MAFK: variants seen among roughly 807,000 people sequenced by gnomAD.
The protein encoded by MAFK is transcription factor MafK.
A neutral mutation model predicts 9.2 loss-of-function variants in MAFK; 1 was observed. The observed-to-expected ratio is 0.11, with a 90% confidence interval of 0.04 to 0.52. The LOEUF is 0.52. MAFK is among the 20% of genes least tolerant of loss of function. The probability of loss-of-function intolerance (pLI) is 0.94; values close to 1 mark genes in which losing one functional copy is unlikely to be tolerated. For synonymous variants in MAFK, 110 were observed against 107.4 expected (o/e 1.02, Z -0.15); for missense variants, 207 against 236.0 (o/e 0.88, Z 0.81).
chr7:1,540,799 G>T lies in MAFK; in HGVS notation c.*424G>T. 6.0e-6 allele frequency: 1 copy of T among 167,710 alleles called. No individual in the cohort carries two copies. Among genetic ancestry groups the T allele is most frequent in the Admixed American group, 6.3e-5 (1 of 15,896 alleles). The allele number at this position is 167,710 out of a possible 1,614,324, so 10.4% of individuals were successfully genotyped here. A position where few individuals can be genotyped will look rare whatever the true frequency, so the allele number is the denominator to read the frequency against. ...TCCACTCCTGCTGTAAGCAGCCTTCGACACCTGTCCTGCCACGGCCTCCCA... is the reference window on the plus strand; with the variant it reads ...TCCACTCCTGCTGTAAGCAGCCTTCTACACCTGTCCTGCCACGGCCTCCCA... On this transcript the variant is annotated 3_prime_UTR_variant, in exon 3 of 3. Coordinates refer to ENST00000343242, the MANE Select transcript of MAFK (RefSeq NM_002360.4).
At chr7:1,538,466 C>A in intron 1 of MAFK, 1 of 952,238 alleles carries the variant, frequency 1.1e-6, no homozygotes, top group Non-Finnish European at 1.3e-6. Flanking sequence ...TGGTAGGTGT[C>A]CCGTGGCCTG....
rs983930108 is a variant in MAFK, at chr7:1,534,809, A to C, written c.-45+3911A>C. 3.1e-5 allele frequency: 11 copies of C among 356,958 alleles called. No homozygotes were observed. The highest frequency in any genetic ancestry group is 2.3e-4 in the African/African-American group (11 of 47,044). The allele number at this position is 356,958 out of a possible 1,614,324, so 22.1% of individuals were successfully genotyped here. ...TCATCTGGGAAGAATCAGAGCCCCA[A>C]AGCTGAAATCCCCGTTTCTCTATGG... is the stretch of plus-strand genomic sequence containing the variant. On this transcript the variant is annotated intron_variant, in intron 1 of 2. Coordinates refer to ENST00000343242, the MANE Select transcript of MAFK (RefSeq NM_002360.4). The surrounding 1 kb of genome is among the most constrained non-coding windows in gnomAD (Gnocchi z 4.3).
rs1468339665 is a variant in MAFK, at chr7:1,540,753, G to C, written c.*378G>C. On this transcript the variant is annotated 3_prime_UTR_variant, in exon 3 of 3. Transcript: ENST00000343242. ...CCCAGGAGTCAGGCCCCTGTGGTCAGGTCTAGCATGGGGCTTGTTTTCCAC... is the reference window on the plus strand; with the variant it reads ...CCCAGGAGTCAGGCCCCTGTGGTCACGTCTAGCATGGGGCTTGTTTTCCAC... 1 of 222,658 alleles carries C rather than the reference G, an allele frequency of 4.5e-6. No individual in the cohort carries two copies. The highest frequency in any genetic ancestry group is 8.8e-6 in the Non-Finnish European group (1 of 113,846). 13.8% of individuals were successfully genotyped at this position (222,658 alleles called of 1,614,324 possible). A position where few individuals can be genotyped will look rare whatever the true frequency, so the allele number is the denominator to read the frequency against.
intron 2 of MAFK, 146 bp downstream of exon 2, chr7:1,539,374 G>C (rs1043747288): frequency 1.8e-5 from 12 of 664,122 alleles, no homozygotes; most frequent in Non-Finnish European, 3.1e-5. Context: ...TGTGGCCGAG[G>C]GATGTTCACA....
intron 1 of MAFK, among the ~76,000 whole-genome samples, chr7:1,535,229 A>G (rs1784000486): frequency 2.0e-5 from 3 of 152,004 alleles, no homozygotes; most frequent in African/African-American, 7.2e-5. Context: ...GGTGGAGAAA[A>G]TGTTCCCTCC....
At chr7:1,538,061 C>G (rs1047693260) in intron 1 of MAFK, 1 of 169,230 alleles carries the variant, frequency 5.9e-6, no homozygotes, top group African/African-American at 2.4e-5. Context: ...GACTGCCTGC[C>G]GGCCTCGTGA....
chr7:1,538,468 C>G (rs573879167), intron 1 of MAFK: 2 of 161,006 alleles, frequency 1.2e-5, no homozygotes, highest in Non-Finnish European at 2.3e-5. Flanking sequence ...GTAGGTGTCC[C>G]GTGGCCTGTG....
chr7:1,536,324 G>A (rs1043290521), intron 1 of MAFK, among the ~76,000 whole-genome samples: 4 of 152,194 alleles, frequency 2.6e-5, no homozygotes, highest in African/African-American at 9.7e-5. Context: ...TTAGCTGCTG[G>A]GCGTAAGACA....
Position 1,534,618 on chromosome 7 carries a change from A to G in MAFK, c.-45+3720A>G, listed in dbSNP as rs1443380441. 1.3e-5 allele frequency: 6 copies of G among 455,834 alleles called. No homozygotes were observed. The highest frequency in any genetic ancestry group is 3.1e-5 in the South Asian group (2 of 64,556). The allele number at this position is 455,834 out of a possible 1,614,324, so 28.2% of individuals were successfully genotyped here. ...ATCCCACATCCTCGGAGACCCGCGG[A>G]GAATAGAAGTGGAAGGGCCACTCCG... On this transcript the variant is annotated intron_variant, in intron 1 of 2. Coordinates refer to ENST00000343242, the MANE Select transcript of MAFK (RefSeq NM_002360.4). The surrounding 1 kb of genome is among the most constrained non-coding windows in gnomAD (Gnocchi z 4.3).
Position 1,539,241 on chromosome 7 carries a change from C to G in MAFK, c.36+13C>G. 2 of 1,606,890 alleles carry G rather than the reference C, an allele frequency of 1.2e-6. No individual in the cohort carries two copies. The highest frequency in any genetic ancestry group is 1.7e-6 in the Non-Finnish European group (2 of 1,175,918). On this transcript the variant is annotated intron_variant, in intron 2 of 2. Transcript: ENST00000343242. ...TAAGGCATTAAAGGTAAGGCTGGTT[C>G]CAAGCAGGCCCCGTCTCAAGCACAG...
Position 1,540,303 on chromosome 7 carries a change from C to A in MAFK, c.399C>A (p.Thr133=). The change falls in exon 3 of 3, where the codon ACC becomes ACA. Residue 133 remains threonine, a synonymous_variant. Transcript: ENST00000343242. ...RGPVAPSKVA[T]TSVITIVKST... is the part of the protein sequence containing the mutation. The stretch of plus-strand genomic sequence containing the variant: ...CTGTGGCGCCCTCCAAGGTGGCCAC[C>A]ACCAGCGTCATCACCATCGTCAAGT... 6.2e-7 allele frequency: 1 copy of A among 1,611,588 alleles called. No homozygotes were observed. The highest frequency in any genetic ancestry group is 8.5e-7 in the Non-Finnish European group (1 of 1,179,152).
rs565419437 is a variant in MAFK, at chr7:1,534,076, C to T, written c.-45+3178C>T. ...CAAGGTGACCAGACGTCCTCCAAGC[C>T]GGGCCGACAGTCATGGCTTGCTGGA... is the stretch of plus-strand genomic sequence containing the variant. On this transcript the variant is annotated intron_variant, in intron 1 of 2. Coordinates refer to ENST00000343242, the MANE Select transcript of MAFK (RefSeq NM_002360.4). This position sits in a 1 kb window ranked among gnomAD's most constrained non-coding sequence, Gnocchi z 4.3. 3 of 368,524 alleles carry T rather than the reference C, an allele frequency of 8.1e-6. No individual in the cohort carries two copies. The highest frequency in any genetic ancestry group is 7.5e-5 in the East Asian group (1 of 13,326). The allele number at this position is 368,524 out of a possible 1,614,324, so 22.8% of individuals were successfully genotyped here.
At chr7:1,531,208 G>T (rs900982870) in intron 1 of MAFK, among the ~76,000 whole-genome samples, 1 of 149,888 alleles carries the variant, frequency 6.7e-6, no homozygotes, top group African/African-American at 2.4e-5. Flanking sequence ...GGGAGGACGA[G>T]GATCCACGCG....
intron 1 of MAFK, among the ~76,000 whole-genome samples, chr7:1,536,102 G>A (rs960687995): frequency 1.3e-5 from 2 of 152,228 alleles, no homozygotes; most frequent in Non-Finnish European, 2.9e-5. Flanking sequence ...AGGTGGTGCC[G>A]GAGAACTTTG....
In MAFK at chr7:1,533,657, G is replaced by T. The variant is rs528838069; in HGVS notation, c.-45+2759G>T. On this transcript the variant is annotated intron_variant, in intron 1 of 2. Transcript: ENST00000343242. Reference sequence around the variant, plus strand: ...CAAAGCTGTGGTCCAGACAGGAGACGCTGGAGGCCGGAGCCTGGGCAGGTG... The same window carrying T: ...CAAAGCTGTGGTCCAGACAGGAGACTCTGGAGGCCGGAGCCTGGGCAGGTG... Among the ~76,000 whole-genome samples the T allele has an allele frequency of 3.9e-5, 6 of 152,258 alleles. No homozygotes were observed. The South Asian group carries it at 1.0e-3, about 26-fold the overall frequency.
chr7:1,535,743 T>TGACCCTGGGCTGCCTGCCCTGCC (rs1784011375), intron 1 of MAFK, among the ~76,000 whole-genome samples: 2 of 152,254 alleles, frequency 1.3e-5, no homozygotes, highest in African/African-American at 4.8e-5. Flanking sequence ...TCTGGACGAC[T>TGACCCTGGGCTGCCTGCCCTGCC]GACCCTGGGC....
chr7:1,536,270 G>A (rs1784026487), intron 1 of MAFK, among the ~76,000 whole-genome samples: 1 of 152,208 alleles, frequency 6.6e-6, no homozygotes, highest in Non-Finnish European at 1.5e-5. Context: ...ACTCAGAGGA[G>A]CTCGGGGTGT....
At position 1,534,530 on chromosome 7, in the gene MAFK, C is replaced by G. The variant is rs1448484339; in HGVS notation, c.-45+3632C>G. The G allele has an allele frequency of 4.4e-6, 2 of 454,528 alleles. No individual in the cohort carries two copies. The highest frequency in any genetic ancestry group is 2.0e-5 in the African/African-American group (1 of 50,016). 28.2% of individuals were successfully genotyped at this position (454,528 alleles called of 1,614,324 possible). A position where few individuals can be genotyped will look rare whatever the true frequency, so the allele number is the denominator to read the frequency against. On this transcript the variant is annotated intron_variant, in intron 1 of 2. Coordinates refer to ENST00000343242, the MANE Select transcript of MAFK (RefSeq NM_002360.4). This position sits in a 1 kb window ranked among gnomAD's most constrained non-coding sequence, Gnocchi z 4.3. ...TGCTGCTGGGTTTCTGAACCCGTGT[C>G]TCTCGCACAGAGCTCCCGTCCTCCG...
At chr7:1,538,560 C>T (rs866515680) in intron 1 of MAFK, 46 of 483,630 alleles carry the variant, frequency 9.5e-5, no homozygotes, top group Middle Eastern at 2.1e-3. Context: ...CCCCAGAGGC[C>T]CCCTCTCGGG....
Sources: gnomAD v4.1 joint callset for allele counts (sites outside exome capture counted in the v4.1 genomes callset) on GRCh38, gnomAD v4.1.1 for gene constraint, Gnocchi (gnomAD v3.1) non-coding constraint, MANE v1.5 for transcripts, NCBI Gene and HGNC (gene_info 2026-07-23, HGNC 2026-07-21) for gene names.